Variants in ARFGEF3 observed in about 807,000 individuals in gnomAD.
ARFGEF3 encodes the protein ARFGEF family member 3.
ARFGEF3 carries 96 observed loss-of-function variants against 221.7 expected under a neutral mutation model. The observed-to-expected ratio is 0.43, with a 90% CI of 0.37 to 0.51. The LOEUF is 0.51. Among genes scored for constraint, ARFGEF3 ranks in the 20% least tolerant of loss-of-function variants. The probability of loss-of-function intolerance (pLI) is 0.00; values close to 1 mark genes in which losing one functional copy is unlikely to be tolerated. For synonymous variants in ARFGEF3, 1,145 were observed against 1,126.8 expected, an observed-to-expected ratio of 1.02 and a Z score of -0.32; for missense variants, 2,410 against 2,789.9, an observed-to-expected ratio of 0.86 and a Z score of 3.07.
chr6:138,215,841 GGTGTGTGTGTGTGTGTGTGTGTGTGTGT>G (rs61141343), intron 4 of ARFGEF3: 21 of 121,202 alleles, frequency 1.7e-4, no homozygotes, highest in South Asian at 3.2e-4. Context: ...TAATCGGTCT[GGTGTGTGTGTGTGTGTGTGTGTGTGTGT>G]GTGTGTGTGT....
chr6:138,214,718 G>A (rs532214187), intron 4 of ARFGEF3, among the ~76,000 whole-genome samples: 4 of 152,002 alleles, frequency 2.6e-5, no homozygotes, highest in Non-Finnish European at 5.9e-5. Context: ...AAACAGAAAC[G>A]GGCCAATAAT....
chr6:138,308,632 C>A (rs1779769905), intron 23 of ARFGEF3, 107 bp from the exon 24 acceptor site: 2 of 1,260,030 alleles, frequency 1.6e-6, no homozygotes, highest in Non-Finnish European at 1.1e-6. Context: ...CCCAGTAGAT[C>A]TTTCTCAAGA....
At chr6:138,320,015 C>A in intron 28 of ARFGEF3, 136 bp downstream of exon 28, 1 of 737,382 alleles carries the variant, frequency 1.4e-6, no homozygotes, top group Non-Finnish European at 2.2e-6. Flanking sequence ...AATAGAACAA[C>A]ATGGTCAGTG....
chr6:138,198,704 A>G (rs1777477929), intron 2 of ARFGEF3, among the ~76,000 whole-genome samples: 1 of 152,156 alleles, frequency 6.6e-6, no homozygotes, highest in Admixed American at 6.5e-5. Context: ...ATTTTTTTCC[A>G]CATATCCAAA....
At position 138,313,863 on chromosome 6, in the gene ARFGEF3, T is replaced by G. The variant is rs371597310; in HGVS notation, c.4269T>G (p.Pro1423=). ...TTAGTGGGAGACTTGCCGGCTTGCCTCGAAGACTTCAGGAACAGTCAGCCA... is the reference window on the plus strand; with the variant it reads ...TTAGTGGGAGACTTGCCGGCTTGCCGCGAAGACTTCAGGAACAGTCAGCCA... ...IFLSGRLAGL[P]RRLQEQSASS... The change falls in exon 26 of 34, where the codon CCT becomes CCG. Residue 1423 remains proline, a synonymous_variant. Transcript: ENST00000251691. 3 of 1,613,880 alleles carry G rather than the reference T, an allele frequency of 1.9e-6. No individual in the cohort carries two copies. The African/African-American group carries it at 4.0e-5, about 22-fold the overall frequency.
At chr6:138,288,278 G>T (rs1779332922) in intron 17 of ARFGEF3, among the ~76,000 whole-genome samples, 1 of 151,814 alleles carries the variant, frequency 6.6e-6, no homozygotes, top group Non-Finnish European at 1.5e-5. Context: ...CAGCTACTCG[G>T]GAGGCTGAGG....
At position 138,341,122 on chromosome 6, in the gene ARFGEF3, G is replaced by C. The variant is rs1212238048; in HGVS notation, c.*4636G>C. On this transcript the variant is annotated 3_prime_UTR_variant, in exon 34 of 34. Coordinates refer to ENST00000251691, the MANE Select transcript of ARFGEF3 (RefSeq NM_020340.5). ...CAGAAGAACATGGCAGTGTGTGTCTGGAACGGCATGCACAATTTGTAAACC... is the reference window on the plus strand; with the variant it reads ...CAGAAGAACATGGCAGTGTGTGTCTCGAACGGCATGCACAATTTGTAAACC... The C allele has an allele frequency of 1.3e-5, 2 of 152,352 alleles. No individual in the cohort carries two copies. The highest frequency in any genetic ancestry group is 4.8e-5 in the African/African-American group (2 of 41,420). 9.4% of individuals were successfully genotyped at this position (152,352 alleles called of 1,614,324 possible). A position where few individuals can be genotyped will look rare whatever the true frequency, so the allele number is the denominator to read the frequency against.
chr6:138,188,882 C>T (rs534656413), intron 2 of ARFGEF3, among the ~76,000 whole-genome samples: 2 of 152,288 alleles, frequency 1.3e-5, no homozygotes, highest in African/African-American at 2.4e-5. Flanking sequence ...CTTTTTGGCT[C>T]CTGCCCAAGG....
intron 4 of ARFGEF3, among the ~76,000 whole-genome samples, chr6:138,213,540 G>A (rs1380363051): frequency 1.3e-5 from 2 of 151,222 alleles, no homozygotes; most frequent in Non-Finnish European, 2.9e-5. Flanking sequence ...CTATAACTGT[G>A]GATGAACCCA....
chr6:138,245,725 G>T, intron 8 of ARFGEF3, 134 bp downstream of exon 8: 1 of 719,436 alleles, frequency 1.4e-6, no homozygotes, highest in Non-Finnish European at 2.5e-6. Context: ...CACCCTAAAC[G>T]CTGTTATTTA....
intron 1 of ARFGEF3, among the ~76,000 whole-genome samples, chr6:138,168,440 C>A (rs969204690): frequency 5.9e-5 from 9 of 152,146 alleles, no homozygotes; most frequent in African/African-American, 1.9e-4. Context: ...AAGTGAGGAC[C>A]AGATCATGAA....
chr6:138,247,441 C>G (rs1198724099), intron 8 of ARFGEF3, among the ~76,000 whole-genome samples: 1 of 152,150 alleles, frequency 6.6e-6, no homozygotes, highest in East Asian at 1.9e-4. Context: ...TTCACTCTAC[C>G]CATCAATGAC....
At chr6:138,166,876 C>T (rs1003478995) in intron 1 of ARFGEF3, among the ~76,000 whole-genome samples, 1 of 152,156 alleles carries the variant, frequency 6.6e-6, no homozygotes, top group Non-Finnish European at 1.5e-5. Flanking sequence ...CTCTATCTAC[C>T]CATCTGCTTT....
At chr6:138,224,880 G>A (rs536703029) in intron 4 of ARFGEF3, among the ~76,000 whole-genome samples, 1 of 152,248 alleles carries the variant, frequency 6.6e-6, no homozygotes, top group East Asian at 1.9e-4. Context: ...TGCAATTTGA[G>A]CAAATTATAT....
intron 4 of ARFGEF3, among the ~76,000 whole-genome samples, chr6:138,225,779 T>A (rs1778072643): frequency 6.6e-6 from 1 of 152,230 alleles, no homozygotes; most frequent in Non-Finnish European, 1.5e-5. Context: ...GATTATCTGA[T>A]ATTTCTAATA....
rs768944872 is a variant in ARFGEF3 at position 138,253,972 on chromosome 6, C to T, written c.758C>T (p.Thr253Met). Residue 253 changes from threonine to methionine, a missense_variant, in exon 9 of 34, where the codon ACG becomes ATG. By Grantham distance (81) the Thr-to-Met change is moderately conservative. Coordinates refer to ENST00000251691, the MANE Select transcript of ARFGEF3 (RefSeq NM_020340.5). ...TCCATGCACCTGCACAGGCGCTTCACGGACCTGATCTGGTGAGCACCCACT... is the reference window on the plus strand; with the variant it reads ...TCCATGCACCTGCACAGGCGCTTCATGGACCTGATCTGGTGAGCACCCACT... The part of the protein sequence containing the change: ...SSSMHLHRRF[T>M]DLIWKNLCPA... 45 of 1,584,632 alleles carry T rather than the reference C, an allele frequency of 2.8e-5. No homozygotes were observed. The highest frequency in any genetic ancestry group is 1.7e-4 in the Middle Eastern group (1 of 6,040).
At chr6:138,300,890 C>T (rs1363074517) in intron 22 of ARFGEF3, among the ~76,000 whole-genome samples, 1 of 152,186 alleles carries the variant, frequency 6.6e-6, no homozygotes, top group Non-Finnish European at 1.5e-5. Flanking sequence ...TCTGAGATTT[C>T]TAGTGCCTTT....
At chr6:138,287,681 C>T (rs1779322020) in intron 17 of ARFGEF3, among the ~76,000 whole-genome samples, 1 of 152,196 alleles carries the variant, frequency 6.6e-6, no homozygotes, top group Non-Finnish European at 1.5e-5. Context: ...TTGATGAAAT[C>T]AGTGAGTCGG....
In ARFGEF3 at chr6:138,242,974, C is replaced by G. The variant is rs774554384; in HGVS notation, c.566C>G (p.Pro189Arg). Residue 189 changes from proline to arginine, a missense_variant, in exon 7 of 34, where the codon CCA (proline) becomes CGA (arginine). Pro to Arg is a moderately radical substitution (Grantham distance 103). Transcript: ENST00000251691. ...TAGATAATTGAAAACCCAGATGTCC[C>G]ACAGGATTTCGGGAATCAAGGTATG... ...ENTIIENPDV[P>R]QDFGNQGSTV... 6.2e-7 allele frequency: 1 copy of G among 1,612,454 alleles called. No homozygotes were observed.
Sources: gnomAD v4.1 joint callset for allele counts (sites outside exome capture counted in the v4.1 genomes callset) on GRCh38, gnomAD v4.1.1 for gene constraint, MANE v1.5 for transcripts, NCBI Gene and HGNC (gene_info 2026-07-23, HGNC 2026-07-21) for gene names.